The following PXDNL variants were observed in gnomAD, a reference collection of about 807,000 sequenced individuals.
PXDNL encodes the protein peroxidasin like.
Under a neutral mutation model 150.8 loss-of-function variants are expected in PXDNL, and 145 were observed. That is an observed-to-expected ratio of 0.96 (90% CI 0.84 to 1.10). PXDNL has a LOEUF of 1.10. Ranked by LOEUF, PXDNL falls within the 50% of genes least tolerant of loss-of-function variation. The pLI is 0.00. For synonymous variants in PXDNL, 757 were observed against 725.7 expected (o/e 1.04, Z -0.69); for missense variants, 2,087 against 1,873.9 (o/e 1.11, Z -2.10).
intron 8 of PXDNL, among the ~76,000 whole-genome samples, chr8:51,468,110 A>C (rs775423924): frequency 6.6e-5 from 10 of 152,038 alleles, no homozygotes; most frequent in Admixed American, 1.3e-4. Flanking sequence ...TAAGTGTTCC[A>C]TAACTGCTTG....
intron 1 of PXDNL, among the ~76,000 whole-genome samples, chr8:51,737,717 C>T (rs1049780599): frequency 6.6e-6 from 1 of 151,904 alleles, no homozygotes; most frequent in Admixed American, 6.6e-5. Context: ...AAGATGTTCA[C>T]ATTCAGTGCA....
At chr8:51,405,209 C>T (rs1355562718) in intron 17 of PXDNL, among the ~76,000 whole-genome samples, 1 of 152,156 alleles carries the variant, frequency 6.6e-6, no homozygotes, top group Non-Finnish European at 1.5e-5. Flanking sequence ...CCTGGGCCAG[C>T]CCAGAAAGGG....
rs866807665 is a variant in PXDNL, at chr8:51,642,652, C to T, written c.236+12037G>A. On this transcript the variant is annotated intron_variant, in intron 2 of 22. Transcript: ENST00000356297. Reference sequence around the variant, plus strand: ...GGCACAAGACAGGGATGCCCTCACTCACCACTCCTATTCAACATAGCGTTG... The same window carrying T: ...GGCACAAGACAGGGATGCCCTCACTTACCACTCCTATTCAACATAGCGTTG... 2.6e-5 allele frequency among the ~76,000 whole-genome samples: 4 copies of T among 152,184 alleles called. No individual in the cohort carries two copies. In the South Asian group the frequency reaches 6.2e-4, roughly 24 times the overall value.
At chr8:51,460,309 T>C (rs1405751350) in intron 8 of PXDNL, among the ~76,000 whole-genome samples, 1 of 149,844 alleles carries the variant, frequency 6.7e-6, no homozygotes, top group Non-Finnish European at 1.5e-5. Context: ...TATAGTATAG[T>C]TGTAAAGTTT....
At chr8:51,682,383 T>C (rs1300217086) in intron 1 of PXDNL, among the ~76,000 whole-genome samples, 2 of 152,172 alleles carry the variant, frequency 1.3e-5, no homozygotes, top group Non-Finnish European at 2.9e-5. Context: ...TCTTACAGCA[T>C]GTCTTTTGCC....
intron 8 of PXDNL, among the ~76,000 whole-genome samples, chr8:51,466,608 A>G (rs1374255535): frequency 1.3e-5 from 2 of 152,154 alleles, no homozygotes; most frequent in Non-Finnish European, 2.9e-5. Flanking sequence ...TAAATAGACA[A>G]CTTACAGTCT....
chr8:51,595,990 A>G (rs1259988344), intron 2 of PXDNL, among the ~76,000 whole-genome samples: 1 of 152,094 alleles, frequency 6.6e-6, no homozygotes, highest in African/African-American at 2.4e-5. Context: ...GGGTATGGAT[A>G]ATCCCATCAC....
chr8:51,590,796 C>A (rs1042929950), intron 3 of PXDNL, among the ~76,000 whole-genome samples: 3 of 152,016 alleles, frequency 2.0e-5, no homozygotes, highest in African/African-American at 7.2e-5. Flanking sequence ...TTGAGTCTCA[C>A]CCATACCAGA....
intron 1 of PXDNL, among the ~76,000 whole-genome samples, chr8:51,728,693 GTTA>G (rs1411911157): frequency 1.3e-4 from 20 of 152,200 alleles, no homozygotes; most frequent in African/African-American, 3.6e-4. Context: ...TAAGCTGAAT[GTTA>G]TTATAAAAGA....
chr8:51,523,675 A>C (rs548230202), intron 4 of PXDNL, among the ~76,000 whole-genome samples: 28 of 152,362 alleles, frequency 1.8e-4, no homozygotes, highest in Admixed American at 1.2e-3. Flanking sequence ...GTATTACTGC[A>C]AACTGCACCT....
At chr8:51,620,794 C>A (rs1814235805) in intron 2 of PXDNL, among the ~76,000 whole-genome samples, 1 of 152,174 alleles carries the variant, frequency 6.6e-6, no homozygotes, top group African/African-American at 2.4e-5. Context: ...AATCCACCTG[C>A]CTTGGCCTCC....
chr8:51,720,104 C>T (rs1053198525), intron 1 of PXDNL, among the ~76,000 whole-genome samples: 1 of 151,592 alleles, frequency 6.6e-6, no homozygotes, highest in Non-Finnish European at 1.5e-5. Flanking sequence ...GCAAAGAAAC[C>T]TCAGTAATAA....
At chr8:51,344,627 G>A (rs1052750869) in intron 20 of PXDNL, among the ~76,000 whole-genome samples, 1 of 152,138 alleles carries the variant, frequency 6.6e-6, no homozygotes, top group South Asian at 2.1e-4. Context: ...AAGCACTTTC[G>A]TTAAGTGAGT....
chr8:51,680,749 T>C (rs928901655), intron 1 of PXDNL, among the ~76,000 whole-genome samples: 3 of 152,214 alleles, frequency 2.0e-5, no homozygotes, highest in Non-Finnish European at 4.4e-5. Context: ...CGCTGTGTGA[T>C]CTTGGGCAGG....
At chr8:51,778,835 C>G (rs2037382976) in intron 1 of PXDNL, among the ~76,000 whole-genome samples, 1 of 152,182 alleles carries the variant, frequency 6.6e-6, no homozygotes, top group Non-Finnish European at 1.5e-5. Context: ...TATTTTATTT[C>G]TGATTCAGTT....
chr8:51,794,947 G>A (rs2129258745), intron 1 of PXDNL, among the ~76,000 whole-genome samples: 3 of 152,178 alleles, frequency 2.0e-5, no homozygotes, highest in Admixed American at 2.0e-4. Flanking sequence ...TTCAAATAAA[G>A]GGATGGAGGA....
Position 51,337,872 on chromosome 8 carries a change from C to CA in PXDNL, c.4146+1751dup, listed in dbSNP as rs34248614. Reference sequence around the variant, plus strand: ...TGGGCAACAGAGCGAGACTCCATCTCAAAAAAAAAAAAAGCACATTGGATG... The same window carrying CA: ...TGGGCAACAGAGCGAGACTCCATCTCAAAAAAAAAAAAAAGCACATTGGATG... On this transcript the variant is annotated intron_variant, in intron 21 of 22. Coordinates refer to ENST00000356297, the MANE Select transcript of PXDNL (RefSeq NM_144651.5). 3.5e-3 allele frequency among the ~76,000 whole-genome samples: 454 copies of CA among 128,224 alleles called. 2 individuals are homozygous for CA. In the Middle Eastern group the frequency reaches 0.041, roughly 11 times the overall value. 84.1% of individuals were successfully genotyped at this position (128,224 alleles called of 152,430 possible). A position where few individuals can be genotyped will look rare whatever the true frequency, so the allele number is the denominator to read the frequency against.
chr8:51,333,881 A>G (rs1009692493), intron 21 of PXDNL, among the ~76,000 whole-genome samples: 1 of 152,206 alleles, frequency 6.6e-6, no homozygotes, highest in Non-Finnish European at 1.5e-5. Context: ...GGGGACTTCA[A>G]TACTCTACTG....
Position 51,800,584 on chromosome 8 carries a change from C to T in PXDNL, c.164+8597G>A, listed in dbSNP as rs530079078. 5.9e-5 allele frequency among the ~76,000 whole-genome samples: 9 copies of T among 152,228 alleles called. No individual in the cohort carries two copies. In the South Asian group the frequency reaches 6.2e-4, roughly 11 times the overall value. ...GTTGTGGGAAGTCAGGGACCCTGAA[C>T]GGAGGGACCAGCTGGAGCCACGGCA... On this transcript the variant is annotated intron_variant, in intron 1 of 22. Coordinates refer to ENST00000356297, the MANE Select transcript of PXDNL (RefSeq NM_144651.5).
Sources: allele counts gnomAD v4.1 joint callset (sites outside exome capture counted in the v4.1 genomes callset), GRCh38; gene constraint gnomAD v4.1.1; transcripts MANE v1.5; gene names NCBI Gene and HGNC (gene_info 2026-07-23, HGNC 2026-07-21).